ESRRG: variants seen among roughly 807,000 people sequenced by gnomAD.
ESRRG encodes estrogen related receptor gamma.
ESRRG carries 13 observed loss-of-function variants against 44.0 expected under a neutral mutation model. The observed-to-expected ratio is 0.30, with a 90% CI of 0.19 to 0.47. The LOEUF is 0.47. ESRRG is among the 20% of genes least tolerant of loss of function. The pLI is 1.00. For missense variants in ESRRG, 395 were observed against 580.6 expected (o/e 0.68, Z 3.29); for synonymous variants, 215 against 214.6 (o/e 1.00, Z -0.02).
intron 1 of ESRRG, among the ~76,000 whole-genome samples, chr1:216,983,395 C>G (rs1464637552): frequency 1.3e-5 from 2 of 151,940 alleles, no homozygotes; most frequent in African/African-American, 2.4e-5. Flanking sequence ...CCACACCTGG[C>G]TAACTTTTGT....
chr1:217,007,604 C>A (rs1216001490), intron 1 of ESRRG, among the ~76,000 whole-genome samples: 3 of 152,154 alleles, frequency 2.0e-5, no homozygotes, highest in African/African-American at 7.2e-5. Context: ...ATTATCAGAA[C>A]AGTCTCCATA....
chr1:216,700,556 C>T (rs2081205591), intron 1 of ESRRG, among the ~76,000 whole-genome samples: 1 of 152,092 alleles, frequency 6.6e-6, no homozygotes, highest in Admixed American at 6.6e-5. Flanking sequence ...GACTCTCGTA[C>T]TACTGGTAAC....
At chr1:217,135,553 C>G (rs1423640222) in intron 1 of ESRRG, among the ~76,000 whole-genome samples, 1 of 151,212 alleles carries the variant, frequency 6.6e-6, no homozygotes. Context: ...GCGGTGTTGG[C>G]GGCGGCGGCG....
At chr1:216,815,763 G>A (rs1050728553) in intron 2 of ESRRG, among the ~76,000 whole-genome samples, 3 of 152,322 alleles carry the variant, frequency 2.0e-5, no homozygotes, top group Non-Finnish European at 4.4e-5. Flanking sequence ...GGACCATTAC[G>A]AAAGCACATG....
chr1:216,663,469 G>T (rs145733971), intron 2 of ESRRG, among the ~76,000 whole-genome samples: 6 of 152,238 alleles, frequency 3.9e-5, no homozygotes, highest in African/African-American at 1.4e-4. Flanking sequence ...TAACAAAGAT[G>T]TCCTTGAACT....
chr1:217,120,533 C>G (rs2092805364), intron 1 of ESRRG, among the ~76,000 whole-genome samples: 1 of 151,850 alleles, frequency 6.6e-6, no homozygotes, highest in Non-Finnish European at 1.5e-5. Context: ...CCCCTTAGAA[C>G]AAAGAGAAAT....
At chr1:216,849,654 C>T (rs919661112) in intron 2 of ESRRG, among the ~76,000 whole-genome samples, 19 of 152,038 alleles carry the variant, frequency 1.2e-4, no homozygotes, top group African/African-American at 4.6e-4. Flanking sequence ...GCTTGAAAAA[C>T]TTTCCTTGAT....
At chr1:217,022,948 G>A (rs967088089) in intron 1 of ESRRG, among the ~76,000 whole-genome samples, 9 of 152,152 alleles carry the variant, frequency 5.9e-5, no homozygotes, top group Admixed American at 5.2e-4. Flanking sequence ...TTAAGTTAGT[G>A]TTGTCTTCTA....
At chr1:216,894,313 T>G (rs752832247) in intron 2 of ESRRG, among the ~76,000 whole-genome samples, 11 of 152,256 alleles carry the variant, frequency 7.2e-5, no homozygotes, top group Middle Eastern at 3.4e-3. Context: ...AAGCCAATGC[T>G]CAATTTCTCT....
At chr1:216,982,997 A>G (rs1475476177) in intron 1 of ESRRG, among the ~76,000 whole-genome samples, 1 of 149,464 alleles carries the variant, frequency 6.7e-6, no homozygotes, top group African/African-American at 2.4e-5. Flanking sequence ...GACCATCTGA[A>G]TTTGAAACCT....
chr1:216,732,862 G>A (rs2089143371), intron 2 of ESRRG, among the ~76,000 whole-genome samples: 3 of 147,638 alleles, frequency 2.0e-5, no homozygotes, highest in Non-Finnish European at 4.5e-5. Context: ...GGGGGGAGGA[G>A]GGGGACTCTT....
chr1:216,736,971 A>AT (rs1203249805), intron 2 of ESRRG, among the ~76,000 whole-genome samples: 1 of 152,198 alleles, frequency 6.6e-6, no homozygotes, highest in African/African-American at 2.4e-5. Flanking sequence ...TTTGTTATTC[A>AT]TATATTCTCC....
intron 1 of ESRRG, chr1:216,682,050 A>G (rs190436256): frequency 2.6e-5 from 4 of 152,368 alleles, no homozygotes; most frequent in Admixed American, 2.6e-4. Flanking sequence ...AATGTTCCAT[A>G]GGGTTATACA....
At chr1:216,518,521 C>A (rs1274440910) in intron 6 of ESRRG, among the ~76,000 whole-genome samples, 1 of 151,996 alleles carries the variant, frequency 6.6e-6, no homozygotes, top group Non-Finnish European at 1.5e-5. Flanking sequence ...AGACTTAAGA[C>A]CATAATAAAG....
At chr1:216,927,546 A>C (rs1015141958) in intron 2 of ESRRG, among the ~76,000 whole-genome samples, 1 of 152,242 alleles carries the variant, frequency 6.6e-6, no homozygotes, top group Non-Finnish European at 1.5e-5. Context: ...TGAACTAGAA[A>C]GAAAAAGGAT....
intron 6 of ESRRG, among the ~76,000 whole-genome samples, chr1:216,517,824 C>G (rs1053622574): frequency 6.6e-6 from 1 of 151,854 alleles, no homozygotes; most frequent in Admixed American, 6.6e-5. Context: ...TTCACAGGAG[C>G]GTAGAAGAAG....
At chr1:216,912,145 GAAAAGAAAAGAAAAGAAAA>G in intron 2 of ESRRG, among the ~76,000 whole-genome samples, 1 of 30,072 alleles carries the variant, frequency 3.3e-5, no homozygotes, top group East Asian at 1.5e-3. Context: ...GAAAAGAAAA[GAAAAGAAAAGAAAAGAAAA>G]GAAAAGAAAA....
rs149563258 is a variant in ESRRG, at chr1:216,868,340, G to A, written c.-14+71242C>T. Among the ~76,000 whole-genome samples the A allele has an allele frequency of 4.1e-3, 617 of 151,972 alleles. 4 individuals carry two copies. Among genetic ancestry groups the A allele is most frequent in the African/African-American group, 0.014 (575 of 41,480 alleles). On this transcript the variant is annotated intron_variant, in intron 2 of 7. Transcript: ENST00000359162. ...TGATCTCAGTTGAGCCACCCACCTCGGCCTCCCAAAGTGCTGGGATTACGG... is the reference window on the plus strand; with the variant it reads ...TGATCTCAGTTGAGCCACCCACCTCAGCCTCCCAAAGTGCTGGGATTACGG...
intron 1 of ESRRG, among the ~76,000 whole-genome samples, chr1:216,698,279 A>G (rs1054427288): frequency 6.6e-6 from 1 of 152,122 alleles, no homozygotes. Context: ...GCACTTTGGG[A>G]GGCCGAGGCA....
Sources: gnomAD v4.1 joint callset for allele counts (sites outside exome capture counted in the v4.1 genomes callset) on GRCh38, gnomAD v4.1.1 for gene constraint, MANE v1.5 for transcripts, NCBI Gene and HGNC (gene_info 2026-07-23, HGNC 2026-07-21) for gene names.